SLC25A21: variants seen among roughly 807,000 people sequenced by gnomAD.
SLC25A21 encodes solute carrier family 25 member 21.
Under a neutral mutation model 43.8 loss-of-function variants are expected in SLC25A21, and 47 were observed. The ratio of observed to expected loss-of-function variants is 1.07; its 90% CI spans 0.85 to 1.37. The LOEUF (loss-of-function observed/expected upper bound fraction) is 1.37, where lower values mean the gene tolerates loss of function less well. SLC25A21 is among the 40% of genes most tolerant of loss of function. The pLI is 0.00. For missense variants in SLC25A21, 352 were observed against 350.2 expected (o/e 1.00, Z -0.04); for synonymous variants, 131 against 121.3 (o/e 1.08, Z -0.52).
chr14:36,698,294 A>T (rs1350287696), intron 7 of SLC25A21, among the ~76,000 whole-genome samples: 1 of 152,102 alleles, frequency 6.6e-6, no homozygotes, highest in Non-Finnish European at 1.5e-5. Flanking sequence ...TGTTAATATG[A>T]TGGGCTTCCT....
intron 1 of SLC25A21, among the ~76,000 whole-genome samples, chr14:37,072,394 A>G (rs1962191976): frequency 1.3e-5 from 2 of 152,154 alleles, no homozygotes; most frequent in African/African-American, 4.8e-5. Context: ...AGGTAGCCTC[A>G]TACTCTAAAG....
chr14:36,794,078 T>C (rs1887588381), intron 3 of SLC25A21, among the ~76,000 whole-genome samples: 1 of 152,090 alleles, frequency 6.6e-6, no homozygotes, highest in Non-Finnish European at 1.5e-5. Context: ...TTAACAGAGA[T>C]GAATTTGTCA....
chr14:36,909,634 G>T (rs1238599780), intron 1 of SLC25A21, among the ~76,000 whole-genome samples: 1 of 152,172 alleles, frequency 6.6e-6, no homozygotes, highest in African/African-American at 2.4e-5. Flanking sequence ...AGGACATAAT[G>T]TCAGATAAAG....
chr14:36,815,836 G>A (rs1179848838), intron 2 of SLC25A21, among the ~76,000 whole-genome samples: 2 of 152,090 alleles, frequency 1.3e-5, no homozygotes, highest in Non-Finnish European at 2.9e-5. Context: ...CCTGTTGTAA[G>A]TTAGGGCTCT....
At chr14:37,094,644 A>T (rs930939363) in intron 1 of SLC25A21, among the ~76,000 whole-genome samples, 3 of 152,148 alleles carry the variant, frequency 2.0e-5, no homozygotes, top group African/African-American at 7.2e-5. Flanking sequence ...AATCACATGC[A>T]AACATGCAGA....
intron 3 of SLC25A21, among the ~76,000 whole-genome samples, chr14:36,805,311 A>C (rs1276480211): frequency 6.6e-6 from 1 of 152,110 alleles, no homozygotes; most frequent in Non-Finnish European, 1.5e-5. Flanking sequence ...GGGGAGTCGG[A>C]GTGTGAGTGT....
intron 7 of SLC25A21, among the ~76,000 whole-genome samples, chr14:36,702,012 T>C (rs1038033244): frequency 6.6e-6 from 1 of 152,232 alleles, no homozygotes; most frequent in African/African-American, 2.4e-5. Flanking sequence ...TGAACTTCCA[T>C]ACATGAAACT....
At chr14:36,763,480 A>C (rs539036330) in intron 3 of SLC25A21, among the ~76,000 whole-genome samples, 1 of 152,286 alleles carries the variant, frequency 6.6e-6, no homozygotes, top group South Asian at 2.1e-4. Flanking sequence ...TTCAAAGAGA[A>C]CTCTGCCTCT....
chr14:36,761,573 T>C (rs1035546612), intron 3 of SLC25A21, among the ~76,000 whole-genome samples: 2 of 152,234 alleles, frequency 1.3e-5, no homozygotes, highest in Non-Finnish European at 2.9e-5. Context: ...GTTGATAAAG[T>C]AACAAGCCAG....
At chr14:36,894,337 G>C (rs1891175123) in intron 1 of SLC25A21, among the ~76,000 whole-genome samples, 2 of 152,094 alleles carry the variant, frequency 1.3e-5, no homozygotes, top group Admixed American at 1.3e-4. Context: ...TTGGCTCTCT[G>C]TTTGTTGGTT....
chr14:36,779,631 TATATATATATATGTATACATACAC>T (rs1886977594), intron 3 of SLC25A21, among the ~76,000 whole-genome samples: 2 of 143,076 alleles, frequency 1.4e-5, no homozygotes, highest in Non-Finnish European at 3.0e-5. Flanking sequence ...TATATATATA[TATATATATATATGTATACATACAC>T]ACATACAAAC....
intron 1 of SLC25A21, among the ~76,000 whole-genome samples, chr14:37,057,804 C>G (rs558736733): frequency 6.6e-6 from 1 of 152,126 alleles, no homozygotes; most frequent in African/African-American, 2.4e-5. Context: ...ATTTTGAGAG[C>G]GTTTTCCCTT....
chr14:37,169,378 A>G (rs549491100), intron 1 of SLC25A21, among the ~76,000 whole-genome samples: 4 of 152,012 alleles, frequency 2.6e-5, no homozygotes, highest in Non-Finnish European at 5.9e-5. Context: ...CTTGACTACT[A>G]AAAGAGAAGA....
At chr14:37,043,402 C>T (rs1165797412) in intron 1 of SLC25A21, among the ~76,000 whole-genome samples, 8 of 152,178 alleles carry the variant, frequency 5.3e-5, no homozygotes, top group Admixed American at 3.9e-4. Context: ...GTTTTCATTC[C>T]TCCACACACT....
chr14:36,722,421 A>T (rs1884413325), intron 6 of SLC25A21, among the ~76,000 whole-genome samples: 1 of 152,186 alleles, frequency 6.6e-6, no homozygotes, highest in Non-Finnish European at 1.5e-5. Flanking sequence ...GCCCTAATGT[A>T]AACTATGGAC....
At chr14:37,104,731 T>C (rs919122575) in intron 1 of SLC25A21, among the ~76,000 whole-genome samples, 1 of 152,176 alleles carries the variant, frequency 6.6e-6, no homozygotes, top group Non-Finnish European at 1.5e-5. Flanking sequence ...AAATTAATTA[T>C]CTTGCTCAAG....
intron 1 of SLC25A21, among the ~76,000 whole-genome samples, chr14:36,925,664 T>G (rs1158791916): frequency 6.6e-6 from 1 of 152,012 alleles, no homozygotes; most frequent in African/African-American, 2.4e-5. Flanking sequence ...CTAGCCAACA[T>G]GGAGAAACCT....
chr14:36,822,370 C>A (rs1888666851), intron 2 of SLC25A21, among the ~76,000 whole-genome samples: 1 of 152,166 alleles, frequency 6.6e-6, no homozygotes, highest in Admixed American at 6.5e-5. Flanking sequence ...AAGATAGATA[C>A]TTTTCCTGAT....
chr14:36,936,263 T>C (rs1892420666), intron 1 of SLC25A21, among the ~76,000 whole-genome samples: 1 of 152,192 alleles, frequency 6.6e-6, no homozygotes, highest in Non-Finnish European at 1.5e-5. Flanking sequence ...AGGAATGGGC[T>C]TGACTGGATG....
Sources: gnomAD v4.1 joint callset for allele counts (sites outside exome capture counted in the v4.1 genomes callset) on GRCh38, gnomAD v4.1.1 for gene constraint, MANE v1.5 for transcripts, NCBI Gene and HGNC (gene_info 2026-07-23, HGNC 2026-07-21) for gene names.